Variants in MTUS2 observed in about 807,000 individuals in gnomAD.
The protein encoded by MTUS2 is microtubule associated scaffold protein 2.
A neutral mutation model predicts 114.1 loss-of-function variants in MTUS2; 40 were observed. The ratio of observed to expected loss-of-function variants is 0.35; its 90% CI spans 0.27 to 0.46. The LOEUF is 0.46. Among genes scored for constraint, MTUS2 ranks in the 20% least tolerant of loss-of-function variants. The probability of loss-of-function intolerance (pLI) is 1.00; values close to 1 mark genes in which losing one functional copy is unlikely to be tolerated. For synonymous variants in MTUS2, 688 were observed against 672.0 expected, an observed-to-expected ratio of 1.02 and a Z score of -0.37; for missense variants, 1,679 against 1,705.4, an observed-to-expected ratio of 0.98 and a Z score of 0.27.
intron 15 of MTUS2, among the ~76,000 whole-genome samples, chr13:29,501,420 T>A (rs1304345799): frequency 6.6e-6 from 1 of 152,108 alleles, no homozygotes; most frequent in Non-Finnish European, 1.5e-5. Flanking sequence ...AGCAAAAGTG[T>A]GCAGCAGGGT....
At chr13:29,207,804 T>A (rs1285853946) in intron 5 of MTUS2, among the ~76,000 whole-genome samples, 3 of 152,106 alleles carry the variant, frequency 2.0e-5, no homozygotes, top group Non-Finnish European at 4.4e-5. Context: ...CCTTTTTTAT[T>A]TGCTGTTGGA....
chr13:28,886,525 A>C (rs1395192008), intron 2 of MTUS2, among the ~76,000 whole-genome samples: 1 of 152,172 alleles, frequency 6.6e-6, no homozygotes, highest in African/African-American at 2.4e-5. Context: ...TGTTTGGTCT[A>C]AGTAGGGAAA....
chr13:29,236,306 C>T (rs73168208), intron 5 of MTUS2, among the ~76,000 whole-genome samples: 11,000 of 152,062 alleles, frequency 0.072, 505 homozygotes, highest in Middle Eastern at 0.099. Context: ...GTCTTGTATT[C>T]GATATGTTCT....
intron 8 of MTUS2, among the ~76,000 whole-genome samples, chr13:29,426,416 G>A (rs1876533796): frequency 6.6e-6 from 1 of 152,230 alleles, no homozygotes; most frequent in Non-Finnish European, 1.5e-5. Flanking sequence ...AAGTGGAACA[G>A]TCATAAATGG....
intron 9 of MTUS2, among the ~76,000 whole-genome samples, chr13:29,469,062 G>GCCCAACCTGAATACTGAATA (rs1880084694): frequency 1.3e-5 from 2 of 152,202 alleles, no homozygotes; most frequent in Non-Finnish European, 2.9e-5. Flanking sequence ...ACAGAAAGGG[G>GCCCAACCTGAATACTGAATA]CTGAATACTG....
intron 7 of MTUS2, among the ~76,000 whole-genome samples, chr13:29,353,309 A>G (rs550237497): frequency 9.2e-5 from 14 of 152,310 alleles, no homozygotes; most frequent in African/African-American, 3.1e-4. Flanking sequence ...AACTAGGACT[A>G]CAGGCACATG....
At chr13:29,084,214 T>C (rs1889565930) in intron 4 of MTUS2, among the ~76,000 whole-genome samples, 1 of 152,184 alleles carries the variant, frequency 6.6e-6, no homozygotes, top group South Asian at 2.1e-4. Flanking sequence ...AGCCAGTTAG[T>C]GCCCTTTTAA....
chr13:29,320,074 T>C (rs1301601401), intron 6 of MTUS2, among the ~76,000 whole-genome samples: 1 of 152,204 alleles, frequency 6.6e-6, no homozygotes, highest in African/African-American at 2.4e-5. Context: ...AAAGGGACTT[T>C]GCATGAAGTT....
chr13:29,340,992 A>G (rs1203734565), intron 7 of MTUS2, among the ~76,000 whole-genome samples: 1 of 152,088 alleles, frequency 6.6e-6, no homozygotes, highest in Admixed American at 6.6e-5. Flanking sequence ...TTTCTTTTTT[A>G]AGGCTGATTA....
At chr13:29,128,562 A>G (rs756851621) in intron 5 of MTUS2, among the ~76,000 whole-genome samples, 11 of 152,364 alleles carry the variant, frequency 7.2e-5, no homozygotes, top group South Asian at 2.1e-4. Flanking sequence ...ATACACCTCA[A>G]TGAAAAGGGA....
intron 5 of MTUS2, among the ~76,000 whole-genome samples, chr13:29,179,951 C>T (rs1011507856): frequency 1.4e-4 from 21 of 152,158 alleles, no homozygotes; most frequent in African/African-American, 4.3e-4. Context: ...ATTCTGTGTA[C>T]GCATTTGAGG....
chr13:29,254,486 A>G (rs1390708637), intron 5 of MTUS2, among the ~76,000 whole-genome samples: 3 of 152,226 alleles, frequency 2.0e-5, no homozygotes, highest in African/African-American at 7.2e-5. Context: ...AAGTCGTACC[A>G]ACACTGAGGT....
At chr13:28,886,617 T>C (rs1878607195) in intron 2 of MTUS2, among the ~76,000 whole-genome samples, 1 of 151,836 alleles carries the variant, frequency 6.6e-6, no homozygotes, top group African/African-American at 2.4e-5. Context: ...GGATTAAGTA[T>C]GAGAGTGCTA....
chr13:29,104,886 A>G (rs1489401737), intron 5 of MTUS2, among the ~76,000 whole-genome samples: 4 of 152,240 alleles, frequency 2.6e-5, no homozygotes, highest in Non-Finnish European at 4.4e-5. Context: ...CAGAGATGAA[A>G]AAAAGATCCC....
chr13:29,133,350 A>C (rs985879511), intron 5 of MTUS2, among the ~76,000 whole-genome samples: 1 of 152,088 alleles, frequency 6.6e-6, no homozygotes, highest in South Asian at 2.1e-4. Context: ...TGATATACAA[A>C]TTTTTAAAAT....
chr13:29,416,727 T>C (rs1361673183), intron 8 of MTUS2, among the ~76,000 whole-genome samples: 1 of 152,150 alleles, frequency 6.6e-6, no homozygotes, highest in Non-Finnish European at 1.5e-5. Flanking sequence ...TCGTTGAGCT[T>C]TTTGTCTGTT....
chr13:29,012,073 C>G (rs1180049678), intron 2 of MTUS2, among the ~76,000 whole-genome samples: 1 of 152,166 alleles, frequency 6.6e-6, no homozygotes, highest in Non-Finnish European at 1.5e-5. Context: ...AGATAGCAAA[C>G]AACCCCTGAG....
intron 9 of MTUS2, among the ~76,000 whole-genome samples, chr13:29,478,607 C>T (rs935436925): frequency 1.3e-5 from 2 of 150,948 alleles, no homozygotes; most frequent in Admixed American, 6.5e-5. Context: ...TGGTGCACGG[C>T]GCTAATCAAA....
At chr13:29,254,219 AGATGCTTAGCTC>A (rs1897221885) in intron 5 of MTUS2, among the ~76,000 whole-genome samples, 1 of 152,186 alleles carries the variant, frequency 6.6e-6, no homozygotes, top group African/African-American at 2.4e-5. Context: ...CTTCCTTCTT[AGATGCTTAGCTC>A]CACTGGGGCT....
Sources: gnomAD v4.1 joint callset for allele counts (sites outside exome capture counted in the v4.1 genomes callset) on GRCh38, gnomAD v4.1.1 for gene constraint, MANE v1.5 for transcripts, NCBI Gene and HGNC (gene_info 2026-07-23, HGNC 2026-07-21) for gene names.